PIEZO1: variants seen among roughly 807,000 people sequenced by gnomAD.
The protein encoded by PIEZO1 is piezo type mechanosensitive ion channel component 1 (Er blood group), also known as piezo-type mechanosensitive ion channel component 1.
In PIEZO1, 296 loss-of-function variants were observed where a neutral mutation model predicts 297.2. The observed-to-expected ratio is 1.00, with a 90% CI of 0.91 to 1.10. The LOEUF is 1.10. PIEZO1 is among the 50% of genes least tolerant of loss of function. The probability of loss-of-function intolerance (pLI) is 0.00; values close to 1 mark genes in which losing one functional copy is unlikely to be tolerated. For synonymous variants in PIEZO1, 2,427 were observed against 1,507.5 expected, an observed-to-expected ratio of 1.61 and a Z score of -14.13; for missense variants, 5,018 against 3,455.5, an observed-to-expected ratio of 1.45 and a Z score of -11.34.
In PIEZO1 at chr16:88,725,054, G is replaced by T; in HGVS notation, c.4189C>A (p.Pro1397Thr). The change falls in exon 30 of 51, where the codon CCG becomes ACG. Residue 1397 changes from proline (P) to threonine (T), a missense_variant. Transcript: ENST00000301015. ...GGCCGCCACCACTGCCTCCGTGGCG[G>T]GGAGGAGCCCCCTGGACTGTCGGGC... ...PGPDSPGGSSPPRRQWWRPWL... is the reference protein window; with the variant it reads ...PGPDSPGGSSTPRRQWWRPWL... The T allele has an allele frequency of 6.7e-7, 1 of 1,500,330 alleles. No individual in the cohort carries two copies. Among genetic ancestry groups the T allele is most frequent in the African/African-American group, 1.4e-5 (1 of 69,784 alleles). The allele number at this position is 1,500,330 out of a possible 1,614,324, so 92.9% of individuals were successfully genotyped here.
At position 88,736,224 on chromosome 16, in the gene PIEZO1, G is replaced by C. The variant is rs567128230; in HGVS notation, c.1481C>G (p.Thr494Ser). The change falls in exon 12 of 51, where the codon ACC becomes AGC. Residue 494 changes from threonine to serine, a missense_variant. Thr to Ser is a moderately conservative substitution (Grantham distance 58). Transcript: ENST00000301015. ...GCGCAGGCTGACGGGGCCCAGGGTG[G>C]TGGGCAGCTCAGGGCGCAGGTCCAT... ...WAMDLRPELP[T>S]TLGPVSLRQL... 6.5e-7 allele frequency: 1 copy of C among 1,549,824 alleles called. No homozygotes were observed. Among genetic ancestry groups the C allele is most frequent in the South Asian group, 1.2e-5 (1 of 84,042 alleles).
chr16:88,784,985 G>C lies in PIEZO1; in HGVS notation c.-21C>G, dbSNP rs970793394. ...TCCATGGCTGGAGGGCCCAGGGCCC[G>C]GCCCAGACCGAGCGGACGCCGCGGC... On this transcript the variant is annotated 5_prime_UTR_variant, in exon 1 of 51. Transcript: ENST00000301015. The C allele has an allele frequency of 1.6e-6, 2 of 1,244,458 alleles. No individual in the cohort carries two copies. The highest frequency in any genetic ancestry group is 2.0e-6 in the Non-Finnish European group (2 of 989,808). 77.1% of individuals were successfully genotyped at this position (1,244,458 alleles called of 1,614,324 possible).
intron 1 of PIEZO1, among the ~76,000 whole-genome samples, chr16:88,764,924 G>C (rs1170460761): frequency 6.6e-6 from 1 of 152,200 alleles, no homozygotes; most frequent in South Asian, 2.1e-4. Context: ...AGGCAACAAG[G>C]GCTTCCTAAG....
At chr16:88,741,212 T>A in intron 5 of PIEZO1, 1 of 380,368 alleles carries the variant, frequency 2.6e-6, no homozygotes, top group South Asian at 3.6e-5. Context: ...ATAATTCCCC[T>A]GTGAAGAGTT....
intron 1 of PIEZO1, among the ~76,000 whole-genome samples, chr16:88,784,035 G>C (rs1293977234): frequency 6.6e-6 from 1 of 152,236 alleles, no homozygotes; most frequent in Non-Finnish European, 1.5e-5. Flanking sequence ...GCCCCCGGGC[G>C]GAGGGCGCGG....
In PIEZO1 at chr16:88,733,762, G is replaced by C; in HGVS notation, c.2330-17C>G. ...TGGCTGCCCCTGTGATGGTGTGAGG[G>C]TCAGTGCGGGGCACAAACGGGGATT... On this transcript the variant is annotated splice_polypyrimidine_tract_variant and intron_variant, in intron 17 of 50. Coordinates refer to ENST00000301015, the MANE Select transcript of PIEZO1 (RefSeq NM_001142864.4). The C allele has an allele frequency of 6.5e-7, 1 of 1,529,266 alleles. No homozygotes were observed. The highest frequency in any genetic ancestry group is 8.8e-7 in the Non-Finnish European group (1 of 1,135,230). 94.7% of individuals were successfully genotyped at this position (1,529,266 alleles called of 1,614,324 possible).
intron 18 of PIEZO1, 28 bp from the exon 19 acceptor site, chr16:88,733,482 G>C (rs1446881819): frequency 1.3e-6 from 2 of 1,539,492 alleles, no homozygotes; most frequent in East Asian, 2.5e-5. Flanking sequence ...GTGGGGCTGG[G>C]CTTGGGGAGG....
chr16:88,771,194 G>A (rs555351915), intron 1 of PIEZO1, among the ~76,000 whole-genome samples: 56 of 152,326 alleles, frequency 3.7e-4, no homozygotes, highest in African/African-American at 1.2e-3. Context: ...TACTGGCACC[G>A]GGCCCAGCCT....
At chr16:88,760,239 C>G (rs554798437) in intron 1 of PIEZO1, among the ~76,000 whole-genome samples, 1 of 152,310 alleles carries the variant, frequency 6.6e-6, no homozygotes, top group African/African-American at 2.4e-5. Flanking sequence ...GGCGCTGGAC[C>G]GTCTCAGGCT....
rs886379180 is a variant in PIEZO1 at position 88,737,974 on chromosome 16, G to C, written c.980C>G (p.Ala327Gly). 1 of 1,534,168 alleles carries C rather than the reference G, an allele frequency of 6.5e-7. No homozygotes were observed. Among genetic ancestry groups the C allele is most frequent in the African/African-American group, 1.4e-5 (1 of 73,036 alleles). The change falls in exon 8 of 51, where the codon GCC becomes GGC. Residue 327 changes from alanine (A) to glycine (G), a missense_variant. Ala to Gly is a moderately conservative substitution (Grantham distance 60). Coordinates refer to ENST00000301015, the MANE Select transcript of PIEZO1 (RefSeq NM_001142864.4). ...GVLLLLCYAT[A>G]SLRKLRAYRP... ...GTACGCGCGGAGCTTGCGCAGAGAG[G>C]CCGTGGCGTAGCACAGCAGCAGGAG...
chr16:88,731,563 G>T (rs1904809306), intron 22 of PIEZO1, 143 bp downstream of exon 22: 1 of 636,044 alleles, frequency 1.6e-6, no homozygotes, highest in African/African-American at 1.8e-5. Context: ...GCCTGGGTAG[G>T]ATGTGGAGCA....
intron 36 of PIEZO1, 30 bp from the exon 37 acceptor site, chr16:88,722,096 T>A: frequency 6.5e-7 from 1 of 1,535,720 alleles, no homozygotes. Context: ...TTTGGGGGAG[T>A]CTGGGACTGC....
chr16:88,742,205 C>G (rs1905724420), intron 3 of PIEZO1, 95 bp downstream of exon 3: 1 of 1,501,414 alleles, frequency 6.7e-7, no homozygotes, highest in Non-Finnish European at 8.9e-7. Context: ...ATAAATCAGG[C>G]TGAGTCAACC....
rs770217538 is a variant in PIEZO1 at position 88,734,608 on chromosome 16, G to C, written c.1997+42C>G. On this transcript the variant is annotated intron_variant, in intron 15 of 50. Transcript: ENST00000301015. ...CGCTGCAGCCCCGGGGAAGTGCACGGGGTTTCGGCGCCCCTGCCCCACCGC... is the reference window on the plus strand; with the variant it reads ...CGCTGCAGCCCCGGGGAAGTGCACGCGGTTTCGGCGCCCCTGCCCCACCGC... The C allele has an allele frequency of 1.5e-5, 24 of 1,549,152 alleles. No homozygotes were observed. The African/African-American group carries it at 2.9e-4, about 19-fold the overall frequency.
intron 5 of PIEZO1, chr16:88,739,929 C>T (rs974117690): frequency 1.3e-5 from 2 of 152,474 alleles, no homozygotes; most frequent in African/African-American, 4.8e-5. Context: ...AGAACAGAGG[C>T]AGCTGCTGTG....
chr16:88,721,406 C>A lies in PIEZO1; in HGVS notation c.5428G>T (p.Glu1810Ter). 1.3e-6 allele frequency: 2 copies of A among 1,549,760 alleles called. No individual in the cohort carries two copies. Among genetic ancestry groups the A allele is most frequent in the Non-Finnish European group, 1.7e-6 (2 of 1,146,654 alleles). The change falls in exon 39 of 51, where the codon GAG becomes TAG. Residue 1810 changes from glutamate to a stop codon, truncating the protein, a stop_gained. Transcript: ENST00000301015. LOFTEE classifies it high-confidence loss of function. ...LLCYGLWDHE[E>*]DSPSKEHDKS... ...TCATGCTCCTTGGATGGTGAGTCCT[C>A]CTCATGGTCCCAGAGGCCATAGCAC...
chr16:88,721,353 G>T lies in PIEZO1; in HGVS notation c.5481C>A (p.Ala1827=). 6.5e-7 allele frequency: 1 copy of T among 1,548,812 alleles called. No homozygotes were observed. Residue 1827 remains alanine (A), a synonymous_variant, in exon 39 of 51, where the codon GCC becomes GCA. Transcript: ENST00000301015. ...CCGCAGGCACCCCTGGCCCCTCCTC[G>T]GCTCCCTGCTCCTCCTCGCCGCTCT... The part of the protein sequence containing the change: ...HDKSGEEEQG[A]EEGPGVPAAT...
intron 1 of PIEZO1, 44 bp from the exon 2 acceptor site, chr16:88,749,523 C>G: frequency 7.1e-7 from 1 of 1,399,948 alleles, no homozygotes. Context: ...CAGAGGATGG[C>G]CAGCCCCACC....
At chr16:88,768,437 CG>C (rs1027528771) in intron 1 of PIEZO1, among the ~76,000 whole-genome samples, 27 of 152,308 alleles carry the variant, frequency 1.8e-4, no homozygotes, top group African/African-American at 6.3e-4. Flanking sequence ...AACCTATGCG[CG>C]TGCTCAGTTC....
Sources: allele counts gnomAD v4.1 joint callset (sites outside exome capture counted in the v4.1 genomes callset), GRCh38; gene constraint gnomAD v4.1.1; transcripts MANE v1.5; gene names NCBI Gene and HGNC (gene_info 2026-07-23, HGNC 2026-07-21).